The following GAN variants were observed in gnomAD, a reference collection of about 807,000 sequenced individuals.
GAN encodes gigaxonin.
GAN carries 48 observed loss-of-function variants against 71.3 expected under a neutral mutation model. The observed-to-expected ratio is 0.67, with a 90% CI of 0.53 to 0.86. The LOEUF (loss-of-function observed/expected upper bound fraction) is 0.86, where lower values mean the gene tolerates loss of function less well. Ranked by LOEUF, GAN falls within the 40% of genes least tolerant of loss-of-function variation. GAN has a pLI of 0.00. For synonymous variants in GAN, 386 were observed against 276.8 expected, an observed-to-expected ratio of 1.39 and a Z score of -3.92; for missense variants, 928 against 770.1, an observed-to-expected ratio of 1.21 and a Z score of -2.43.
At chr16:81,376,707 TACACACAC>T (rs111299239) in intron 9 of GAN, among the ~76,000 whole-genome samples, 1 of 149,574 alleles carries the variant, frequency 6.7e-6, no homozygotes, top group Non-Finnish European at 1.5e-5. Context: ...TGCACACGCA[TACACACAC>T]ACACACACAG....
intron 3 of GAN, among the ~76,000 whole-genome samples, chr16:81,355,362 G>C (rs1025349053): frequency 6.6e-6 from 1 of 152,164 alleles, no homozygotes; most frequent in African/African-American, 2.4e-5. Context: ...CAGGACTTGA[G>C]GGTTTTGAGG....
At chr16:81,327,701 C>T (rs1490024660) in intron 1 of GAN, among the ~76,000 whole-genome samples, 1 of 152,094 alleles carries the variant, frequency 6.6e-6, no homozygotes, top group Admixed American at 6.5e-5. Flanking sequence ...GTATGGAGCT[C>T]CTATAGTATT....
intron 1 of GAN, 101 bp from the exon 2 acceptor site, chr16:81,351,482 T>A (rs1051664642): frequency 5.8e-5 from 41 of 702,176 alleles, no homozygotes; most frequent in Non-Finnish European, 8.6e-5. Context: ...GGGATTCATA[T>A]ACTGATAAGT....
chr16:81,351,193 C>G (rs902426834), intron 1 of GAN, among the ~76,000 whole-genome samples: 4 of 152,172 alleles, frequency 2.6e-5, no homozygotes, highest in Non-Finnish European at 5.9e-5. Context: ...GGGCTATTGA[C>G]AAGGTCTTAG....
chr16:81,377,937 G>C lies in GAN; in HGVS notation c.*341G>C. 1 of 345,300 alleles carries C rather than the reference G, an allele frequency of 2.9e-6. No homozygotes were observed. The highest frequency in any genetic ancestry group is 5.5e-6 in the Non-Finnish European group (1 of 181,208). 21.4% of individuals were successfully genotyped at this position (345,300 alleles called of 1,614,324 possible). A position where few individuals can be genotyped will look rare whatever the true frequency, so the allele number is the denominator to read the frequency against. Reference sequence around the variant, plus strand: ...TACTAAGGTGCATTTTCCCTGAAGGGAACTCATGTCTGACTGCTGTATTCA... The same window carrying C: ...TACTAAGGTGCATTTTCCCTGAAGGCAACTCATGTCTGACTGCTGTATTCA... On this transcript the variant is annotated 3_prime_UTR_variant, in exon 11 of 11. Coordinates refer to ENST00000648994, the MANE Select transcript of GAN (RefSeq NM_022041.4).
intron 9 of GAN, among the ~76,000 whole-genome samples, chr16:81,371,522 G>A (rs1373969458): frequency 6.6e-6 from 1 of 152,202 alleles, no homozygotes; most frequent in Non-Finnish European, 1.5e-5. Flanking sequence ...GCCATGGGTG[G>A]CAGCTGAAAT....
At chr16:81,350,107 C>T (rs535146598) in intron 1 of GAN, among the ~76,000 whole-genome samples, 72 of 151,872 alleles carry the variant, frequency 4.7e-4, no homozygotes, top group African/African-American at 1.5e-3. Context: ...TAAAAGGCCC[C>T]TTTTAAAAAG....
In GAN at chr16:81,382,979, T is replaced by A. The variant is rs1238269556; in HGVS notation, c.*5383T>A. Reference sequence around the variant, plus strand: ...GTTTATTCTTTTTTATTTTATTTTATTTTTTTAAATTTCTTTTAGAAACTG... The same window carrying A: ...GTTTATTCTTTTTTATTTTATTTTAATTTTTTAAATTTCTTTTAGAAACTG... On this transcript the variant is annotated 3_prime_UTR_variant, in exon 11 of 11. Transcript: ENST00000648994. 3 of 152,112 alleles carry A rather than the reference T, an allele frequency of 2.0e-5. No homozygotes were observed. Among genetic ancestry groups the A allele is most frequent in the Admixed American group, 2.0e-4 (3 of 15,290 alleles). 9.4% of individuals were successfully genotyped at this position (152,112 alleles called of 1,614,324 possible). A position where few individuals can be genotyped will look rare whatever the true frequency, so the allele number is the denominator to read the frequency against.
chr16:81,332,324 C>T (rs1225591639), intron 1 of GAN, among the ~76,000 whole-genome samples: 1 of 152,192 alleles, frequency 6.6e-6, no homozygotes, highest in African/African-American at 2.4e-5. Context: ...CAGGCAGTTT[C>T]AGCAACTGGG....
chr16:81,327,408 G>T (rs1157353968), intron 1 of GAN, among the ~76,000 whole-genome samples: 1 of 152,128 alleles, frequency 6.6e-6, no homozygotes, highest in Non-Finnish European at 1.5e-5. Flanking sequence ...GGAACTGGAG[G>T]GGTGTACTGG....
intron 4 of GAN, 132 bp from the exon 5 acceptor site, chr16:81,357,678 T>C (rs1016471570): frequency 1.2e-6 from 1 of 850,624 alleles, no homozygotes; most frequent in Admixed American, 1.8e-5. Context: ...TGAGGAATCG[T>C]CACACTGACT....
rs764763934 is a variant in GAN, at chr16:81,356,927, G to C, written c.776G>C (p.Gly259Ala). Residue 259 changes from glycine (G) to alanine (A), a missense_variant, in exon 4 of 11, where the codon GGG becomes GCG. Gly to Ala is a moderately conservative substitution (Grantham distance 60). Coordinates refer to ENST00000648994, the MANE Select transcript of GAN (RefSeq NM_022041.4). ...ATACCGCTCAGCCAGCCGCAGCAAG[G>C]GGAGGCGATGCTGGCCAACTTCAAA... is the stretch of plus-strand genomic sequence containing the variant. ...SNIPLSQPQQ[G>A]EAMLANFKPR... The C allele has an allele frequency of 6.2e-7, 1 of 1,613,948 alleles. No homozygotes were observed. The highest frequency in any genetic ancestry group is 1.7e-5 in the Admixed American group (1 of 60,020).
chr16:81,364,397 C>G (rs947917181), intron 7 of GAN, among the ~76,000 whole-genome samples: 1 of 152,202 alleles, frequency 6.6e-6, no homozygotes, highest in Admixed American at 6.5e-5. Context: ...TACTGAATAG[C>G]TGGGACTACA....
chr16:81,355,122 C>T (rs1372796291), intron 3 of GAN, among the ~76,000 whole-genome samples: 1 of 152,146 alleles, frequency 6.6e-6, no homozygotes, highest in Non-Finnish European at 1.5e-5. Context: ...TGCCAGGCCT[C>T]AGGTGCCTGC....
intron 1 of GAN, among the ~76,000 whole-genome samples, chr16:81,323,308 C>A (rs947500002): frequency 3.9e-5 from 6 of 152,182 alleles, no homozygotes; most frequent in Non-Finnish European, 7.3e-5. Context: ...CTAAAAATTA[C>A]AATGCCTGCT....
chr16:81,368,713 T>C (rs1910941479), intron 9 of GAN, among the ~76,000 whole-genome samples: 1 of 152,228 alleles, frequency 6.6e-6, no homozygotes, highest in African/African-American at 2.4e-5. Flanking sequence ...ATTTCCCACC[T>C]TCCCTGCCCC....
chr16:81,342,383 G>A (rs1402007944), intron 1 of GAN, among the ~76,000 whole-genome samples: 4 of 152,172 alleles, frequency 2.6e-5, no homozygotes, highest in South Asian at 2.1e-4. Flanking sequence ...ATAATTGGAA[G>A]TAAAGCACTC....
At chr16:81,323,541 C>T (rs942773022) in intron 1 of GAN, among the ~76,000 whole-genome samples, 10 of 152,206 alleles carry the variant, frequency 6.6e-5, no homozygotes, top group African/African-American at 2.4e-4. Context: ...TAATAGATTG[C>T]AGTTCAAGAA....
chr16:81,386,384 A>T lies in GAN; in HGVS notation c.*8788A>T, dbSNP rs1048433354. The T allele has an allele frequency of 6.6e-6, 1 of 152,212 alleles. No homozygotes were observed. Among genetic ancestry groups the T allele is most frequent in the Admixed American group, 6.5e-5 (1 of 15,286 alleles). 9.4% of individuals were successfully genotyped at this position (152,212 alleles called of 1,614,324 possible). A position where few individuals can be genotyped will look rare whatever the true frequency, so the allele number is the denominator to read the frequency against. On this transcript the variant is annotated 3_prime_UTR_variant, in exon 11 of 11. Transcript: ENST00000648994. ...TGGATGTTACATGAAACTTAAAAACAAACAAATATGTGTTACAAGTACTTG... is the reference window on the plus strand; with the variant it reads ...TGGATGTTACATGAAACTTAAAAACTAACAAATATGTGTTACAAGTACTTG...
Sources: allele counts gnomAD v4.1 joint callset (sites outside exome capture counted in the v4.1 genomes callset), GRCh38; gene constraint gnomAD v4.1.1; transcripts MANE v1.5; gene names NCBI Gene and HGNC (gene_info 2026-07-23, HGNC 2026-07-21).